The following DSCAML1 variants were observed in gnomAD, a reference collection of about 807,000 sequenced individuals.
DSCAML1 encodes the protein cell adhesion molecule DSCAML1.
In DSCAML1, 38 loss-of-function variants were observed where a neutral mutation model predicts 200.5. The ratio of observed to expected loss-of-function variants is 0.19; its 90% CI spans 0.15 to 0.25. The LOEUF is 0.25. Ranked by LOEUF, DSCAML1 falls within the 10% of genes least tolerant of loss-of-function variation. DSCAML1 has a pLI of 1.00. For missense variants in DSCAML1, 2,223 were observed against 2,858.8 expected (o/e 0.78, Z 5.07); for synonymous variants, 1,215 against 1,165.0 (o/e 1.04, Z -0.87).
intron 3 of DSCAML1, among the ~76,000 whole-genome samples, chr11:117,740,317 G>T (rs1263736478): frequency 6.6e-6 from 1 of 152,116 alleles, no homozygotes; most frequent in African/African-American, 2.4e-5. Flanking sequence ...TTGGACCTTG[G>T]TCTGACTCTG....
intron 3 of DSCAML1, among the ~76,000 whole-genome samples, chr11:117,719,138 A>T (rs1033534090): frequency 3.9e-5 from 6 of 152,176 alleles, no homozygotes; most frequent in Non-Finnish European, 8.8e-5. Flanking sequence ...ATTCATTTTT[A>T]GAAATAAAGA....
At chr11:117,435,156 G>A (rs1264624082) in intron 27 of DSCAML1, among the ~76,000 whole-genome samples, 2 of 152,226 alleles carry the variant, frequency 1.3e-5, no homozygotes, top group African/African-American at 4.8e-5. Flanking sequence ...GTGGCATCAG[G>A]TAATGGAAAA....
At chr11:117,785,122 G>A (rs549680833) in intron 1 of DSCAML1, among the ~76,000 whole-genome samples, 11 of 152,166 alleles carry the variant, frequency 7.2e-5, no homozygotes, top group Admixed American at 3.9e-4. Context: ...CACCAGCCAC[G>A]CGCTGCACCA....
intron 3 of DSCAML1, among the ~76,000 whole-genome samples, chr11:117,686,317 T>C (rs1448637369): frequency 6.6e-6 from 1 of 152,176 alleles, no homozygotes; most frequent in Non-Finnish European, 1.5e-5. Flanking sequence ...CTCTGTTGAG[T>C]CTCAGGTGGG....
At chr11:117,555,054 G>C (rs892900134) in intron 3 of DSCAML1, among the ~76,000 whole-genome samples, 15 of 152,260 alleles carry the variant, frequency 9.9e-5, no homozygotes, top group African/African-American at 3.6e-4. Flanking sequence ...TGGGCCCCCT[G>C]CATGGCCCCT....
chr11:117,492,548 C>A (rs553372311), intron 11 of DSCAML1, among the ~76,000 whole-genome samples: 21 of 152,304 alleles, frequency 1.4e-4, no homozygotes, highest in African/African-American at 4.6e-4. Context: ...ATTACATGCA[C>A]CCCTGAGAGG....
Position 117,746,605 on chromosome 11 carries a change from A to C in DSCAML1, c.511+30186T>G, listed in dbSNP as rs536928911. On this transcript the variant is annotated intron_variant, in intron 3 of 32. Transcript: ENST00000651296. ...ATCTTTCTGGTGTACACACCTGCCAACGTGGCCTCCTCCTCAGACCCCTAG... is the reference window on the plus strand; with the variant it reads ...ATCTTTCTGGTGTACACACCTGCCACCGTGGCCTCCTCCTCAGACCCCTAG... Among the ~76,000 whole-genome samples, 27 of 152,224 alleles carry C rather than the reference A, an allele frequency of 1.8e-4. No individual in the cohort carries two copies. The South Asian group carries it at 4.4e-3, about 25-fold the overall frequency.
At chr11:117,605,761 AG>A (rs1486609793) in intron 3 of DSCAML1, among the ~76,000 whole-genome samples, 1 of 152,170 alleles carries the variant, frequency 6.6e-6, no homozygotes, top group Admixed American at 6.5e-5. Flanking sequence ...GGGGAGTTGT[AG>A]AGAACTCGCT....
rs1555172719 is a variant in DSCAML1, at chr11:117,467,193, A to ACACCCC, written c.3025-2012_3025-2011insGGGGTG. ...CGCGCACGCATGCGCGTGCACACAC[A>ACACCCC]CCTCCCCCCTCCCCCCGCCGCCAAT... On this transcript the variant is annotated intron_variant, in intron 16 of 32. Coordinates refer to ENST00000651296, the MANE Select transcript of DSCAML1 (RefSeq NM_020693.4). Among the ~76,000 whole-genome samples the ACACCCC allele has an allele frequency of 6.5e-4, 71 of 109,492 alleles. 1 individual carries two copies. Among genetic ancestry groups the ACACCCC allele is most frequent in the African/African-American group, 1.5e-3 (33 of 22,604 alleles). The allele number at this position is 109,492 out of a possible 152,430, so 71.8% of individuals were successfully genotyped here. A position where few individuals can be genotyped will look rare whatever the true frequency, so the allele number is the denominator to read the frequency against.
At chr11:117,741,639 G>A (rs534901868) in intron 3 of DSCAML1, among the ~76,000 whole-genome samples, 2 of 152,352 alleles carry the variant, frequency 1.3e-5, no homozygotes, top group East Asian at 3.9e-4. Flanking sequence ...TAGGGAAGGT[G>A]GAACCACCAA....
rs138757307 is a variant in DSCAML1, at chr11:117,441,983, T to C, written c.3862+1903A>G. 5.1e-4 allele frequency among the ~76,000 whole-genome samples: 78 copies of C among 151,796 alleles called. No homozygotes were observed. In the East Asian group the frequency reaches 0.014, roughly 28 times the overall value. ...CTGTGTCTCAGGGTGTGTGTGCATA[T>C]GTGTGTGTATGTGTGGGTGTGTATG... On this transcript the variant is annotated intron_variant, in intron 21 of 32. Coordinates refer to ENST00000651296, the MANE Select transcript of DSCAML1 (RefSeq NM_020693.4).
At chr11:117,757,017 G>A (rs918026357) in intron 3 of DSCAML1, among the ~76,000 whole-genome samples, 11 of 152,154 alleles carry the variant, frequency 7.2e-5, no homozygotes, top group African/African-American at 2.4e-4. Flanking sequence ...AAATGAAGGT[G>A]CAGAGAGACA....
In DSCAML1 at chr11:117,521,362, G is replaced by A; in HGVS notation, c.981C>T (p.Gly327=). 6.2e-7 allele frequency: 1 copy of A among 1,614,110 alleles called. No homozygotes were observed. Among genetic ancestry groups the A allele is most frequent in the Non-Finnish European group, 8.5e-7 (1 of 1,179,976 alleles). Residue 327 remains glycine (G), a synonymous_variant, in exon 6 of 33, where the codon GGC becomes GGT. Coordinates refer to ENST00000651296, the MANE Select transcript of DSCAML1 (RefSeq NM_020693.4). ...VTLTPKKLKT[G]IGSTVILSCA... The stretch of plus-strand genomic sequence containing the variant: ...AGGAGAGGATGACCGTGCTGCCAAT[G>A]CCGGTCTTCAGCTTCTTTGGTGTCA...
At chr11:117,757,205 G>T (rs1163421050) in intron 3 of DSCAML1, among the ~76,000 whole-genome samples, 1 of 152,122 alleles carries the variant, frequency 6.6e-6, no homozygotes, top group Non-Finnish European at 1.5e-5. Context: ...ACTTCAATAT[G>T]ACTTTTTGGT....
At chr11:117,781,301 AAAAAG>A (rs1185310048) in intron 1 of DSCAML1, among the ~76,000 whole-genome samples, 4 of 151,922 alleles carry the variant, frequency 2.6e-5, no homozygotes, top group Non-Finnish European at 5.9e-5. Context: ...GAAAAAAAAA[AAAAAG>A]AAAGAAAGAA....
At chr11:117,530,986 C>T (rs753931612) in intron 4 of DSCAML1, among the ~76,000 whole-genome samples, 1 of 152,158 alleles carries the variant, frequency 6.6e-6, no homozygotes, top group Non-Finnish European at 1.5e-5. Flanking sequence ...TGAGTTGTGG[C>T]CAGCATTTAG....
In DSCAML1 at chr11:117,653,181, C is replaced by T. The variant is rs541371718; in HGVS notation, c.512-120659G>A. Among the ~76,000 whole-genome samples, 6 of 152,182 alleles carry T rather than the reference C, an allele frequency of 3.9e-5. No individual in the cohort carries two copies. The East Asian group carries it at 9.7e-4, about 24-fold the overall frequency. The stretch of plus-strand genomic sequence containing the variant: ...GGAGAGTCCTCAGCCAGGCTTGTCT[C>T]GGGGTGGGGTGTGTGTGTAGGGGAA... On this transcript the variant is annotated intron_variant, in intron 3 of 32. Transcript: ENST00000651296.
chr11:117,693,461 A>G (rs1465750482), intron 3 of DSCAML1, among the ~76,000 whole-genome samples: 1 of 152,136 alleles, frequency 6.6e-6, no homozygotes, highest in Non-Finnish European at 1.5e-5. Flanking sequence ...TTTATAAATG[A>G]CTGAATGGGC....
intron 3 of DSCAML1, among the ~76,000 whole-genome samples, chr11:117,650,081 GGGACTA>G (rs534338659): frequency 1.9e-3 from 293 of 152,332 alleles, no homozygotes; most frequent in African/African-American, 6.5e-3. Flanking sequence ...AACCAGGCAA[GGGACTA>G]GAGCTGTGGT....
Sources: allele counts gnomAD v4.1 joint callset (sites outside exome capture counted in the v4.1 genomes callset), GRCh38; gene constraint gnomAD v4.1.1; transcripts MANE v1.5; gene names NCBI Gene and HGNC (gene_info 2026-07-23, HGNC 2026-07-21).